Variants in PRLR observed in about 807,000 individuals in gnomAD.
The protein encoded by PRLR is prolactin receptor, also known as hPRL receptor.
In PRLR, 13 loss-of-function variants were observed where a neutral mutation model predicts 40.2. The observed-to-expected ratio is 0.32, with a 90% confidence interval of 0.21 to 0.51. PRLR has a LOEUF of 0.51. Among genes scored for constraint, PRLR ranks in the 20% least tolerant of loss-of-function variants. The pLI is 0.97. For missense variants in PRLR, 656 were observed against 747.3 expected (o/e 0.88, Z 1.42); for synonymous variants, 269 against 278.7 (o/e 0.97, Z 0.35).
At chr5:35,111,474 C>T (rs551040446) in intron 2 of PRLR, among the ~76,000 whole-genome samples, 1 of 152,252 alleles carries the variant, frequency 6.6e-6, no homozygotes, top group South Asian at 2.1e-4. Context: ...AATGTAGATA[C>T]ACTTTGAATC....
chr5:35,158,812 C>T (rs1774587616), intron 1 of PRLR, among the ~76,000 whole-genome samples: 1 of 152,084 alleles, frequency 6.6e-6, no homozygotes. Context: ...TTTCATTCCA[C>T]ATGGAGAAAG....
chr5:35,212,199 T>G lies in PRLR; in HGVS notation c.-106+18069A>C, dbSNP rs546474532. ...CCAGGGCAGCCATTTCTGATAATCA[T>G]GTAGAGTCTGAAAAAATACCCATTA... On this transcript the variant is annotated intron_variant, in intron 1 of 9. Transcript: ENST00000618457. Among the ~76,000 whole-genome samples, 11 of 152,234 alleles carry G rather than the reference T, an allele frequency of 7.2e-5. No individual in the cohort carries two copies. In the East Asian group the frequency reaches 9.6e-4, roughly 13 times the overall value.
intron 2 of PRLR, among the ~76,000 whole-genome samples, chr5:35,105,158 C>T (rs532579005): frequency 2.0e-5 from 3 of 152,312 alleles, no homozygotes; most frequent in African/African-American, 4.8e-5. Flanking sequence ...AGCTGAGGGT[C>T]CTGACTGTTA....
At chr5:35,215,866 T>TA (rs1212093418) in intron 1 of PRLR, among the ~76,000 whole-genome samples, 14,108 of 88,530 alleles carry the variant, frequency 0.16, 1,063 homozygotes, top group Non-Finnish European at 0.18. Context: ...CTGTCTCTAC[T>TA]AAAAAAAAAA....
intron 6 of PRLR, among the ~76,000 whole-genome samples, chr5:35,071,816 T>G (rs1579576101): frequency 6.6e-6 from 1 of 152,028 alleles, no homozygotes; most frequent in South Asian, 2.1e-4. Flanking sequence ...GTCAGGCTGG[T>G]CTCAAACTCC....
chr5:35,121,289 A>C (rs964130952), intron 1 of PRLR, among the ~76,000 whole-genome samples: 2 of 152,216 alleles, frequency 1.3e-5, no homozygotes, highest in African/African-American at 4.8e-5. Context: ...GGGAGGTAAC[A>C]CTGCCTCACA....
At chr5:35,160,988 C>CT in intron 1 of PRLR, among the ~76,000 whole-genome samples, 1 of 152,124 alleles carries the variant, frequency 6.6e-6, no homozygotes, top group Non-Finnish European at 1.5e-5. Context: ...TACTGCAGTG[C>CT]TGTGGTCTTT....
chr5:35,058,502 A>C lies in PRLR; in HGVS notation c.*6587T>G, dbSNP rs946856560. 3.9e-5 allele frequency: 6 copies of C among 152,248 alleles called. No individual in the cohort carries two copies. The highest frequency in any genetic ancestry group is 3.9e-4 in the Admixed American group (6 of 15,286). 9.4% of individuals were successfully genotyped at this position (152,248 alleles called of 1,614,324 possible). A position where few individuals can be genotyped will look rare whatever the true frequency, so the allele number is the denominator to read the frequency against. On this transcript the variant is annotated 3_prime_UTR_variant, in exon 10 of 10. Transcript: ENST00000618457. ...TCAAACAACTGTTGGATTGTACTTT[A>C]AATGTGTAACACCCCAGAGCAGCTG...
intron 1 of PRLR, among the ~76,000 whole-genome samples, chr5:35,173,767 A>G (rs1775063849): frequency 6.6e-6 from 1 of 152,156 alleles, no homozygotes; most frequent in Non-Finnish European, 1.5e-5. Context: ...TGAAAGAAAT[A>G]AATTATTGTT....
intron 6 of PRLR, among the ~76,000 whole-genome samples, chr5:35,070,723 A>T (rs1294467235): frequency 6.6e-6 from 1 of 151,816 alleles, no homozygotes; most frequent in African/African-American, 2.4e-5. Flanking sequence ...CATGCCTGTA[A>T]TCCCAGCTAC....
Position 35,184,991 on chromosome 5 carries a change from G to A in PRLR, c.-106+45277C>T, listed in dbSNP as rs118150851. Among the ~76,000 whole-genome samples, 20 of 152,318 alleles carry A rather than the reference G, an allele frequency of 1.3e-4. No homozygotes were observed. The East Asian group carries it at 3.5e-3, about 26-fold the overall frequency. ...CCACCTCTAGATTATAGCAACAAAGGAAAGTTTTGTTTTGCATAAACACAG... is the reference window on the plus strand; with the variant it reads ...CCACCTCTAGATTATAGCAACAAAGAAAAGTTTTGTTTTGCATAAACACAG... On this transcript the variant is annotated intron_variant, in intron 1 of 9. Transcript: ENST00000618457.
intron 9 of PRLR, among the ~76,000 whole-genome samples, chr5:35,067,369 C>T (rs1769444164): frequency 1.3e-5 from 2 of 152,128 alleles, no homozygotes; most frequent in Non-Finnish European, 2.9e-5. Flanking sequence ...GACATTCATG[C>T]TGGTTCTATC....
At chr5:35,144,560 T>A (rs1021145295) in intron 1 of PRLR, among the ~76,000 whole-genome samples, 1 of 152,108 alleles carries the variant, frequency 6.6e-6, no homozygotes, top group Admixed American at 6.5e-5. Context: ...TTCAAGTGAT[T>A]CTTATGCCTC....
chr5:35,200,746 CAT>C (rs1490288457), intron 1 of PRLR, among the ~76,000 whole-genome samples: 1 of 152,152 alleles, frequency 6.6e-6, no homozygotes, highest in East Asian at 1.9e-4. Context: ...AGAGACCCTA[CAT>C]ACGCCTGGCC....
At chr5:35,144,670 C>T (rs1326212702) in intron 1 of PRLR, among the ~76,000 whole-genome samples, 1 of 149,002 alleles carries the variant, frequency 6.7e-6, no homozygotes, top group Non-Finnish European at 1.5e-5. Flanking sequence ...AGCCTGTTGG[C>T]CAGGATGGTC....
intron 5 of PRLR, among the ~76,000 whole-genome samples, chr5:35,073,808 C>T (rs1366961591): frequency 6.6e-6 from 1 of 152,136 alleles, no homozygotes; most frequent in Non-Finnish European, 1.5e-5. Flanking sequence ...AGGTCATTAG[C>T]CTTCTGGGGA....
At chr5:35,114,071 G>A (rs1772863609) in intron 2 of PRLR, among the ~76,000 whole-genome samples, 1 of 152,210 alleles carries the variant, frequency 6.6e-6, no homozygotes, top group African/African-American at 2.4e-5. Context: ...AGGCCTAGCA[G>A]AAGTCTTCAA....
At chr5:35,113,550 C>A (rs909841331) in intron 2 of PRLR, among the ~76,000 whole-genome samples, 1 of 151,866 alleles carries the variant, frequency 6.6e-6, no homozygotes, top group Non-Finnish European at 1.5e-5. Context: ...TCCATCCATC[C>A]ATTCATCAAT....
At chr5:35,083,107 C>T (rs1770622797) in intron 5 of PRLR, among the ~76,000 whole-genome samples, 1 of 150,188 alleles carries the variant, frequency 6.7e-6, no homozygotes, top group South Asian at 2.1e-4. Flanking sequence ...ACACACCACA[C>T]TTATATAAAA....
Sources: gnomAD v4.1 joint callset for allele counts (sites outside exome capture counted in the v4.1 genomes callset) on GRCh38, gnomAD v4.1.1 for gene constraint, MANE v1.5 for transcripts, NCBI Gene and HGNC (gene_info 2026-07-23, HGNC 2026-07-21) for gene names.